USP33: variants seen among roughly 807,000 people sequenced by gnomAD.
The protein encoded by USP33 is ubiquitin carboxyl-terminal hydrolase 33.
In USP33, 46 loss-of-function variants were observed where a neutral mutation model predicts 124.2. The observed-to-expected ratio is 0.37, with a 90% CI of 0.29 to 0.47. The LOEUF is 0.47. USP33 is among the 20% of genes least tolerant of loss of function. USP33 has a pLI of 0.99. For missense variants in USP33, 851 were observed against 1,070.6 expected (o/e 0.79, Z 2.86); for synonymous variants, 350 against 352.3 (o/e 0.99, Z 0.07).
intron 1 of USP33, among the ~76,000 whole-genome samples, chr1:77,752,219 C>T (rs1373485340): frequency 6.6e-6 from 1 of 151,806 alleles, no homozygotes; most frequent in African/African-American, 2.4e-5. Flanking sequence ...TCACTTGCAA[C>T]TTCTCCCTCC....
intron 7 of USP33, among the ~76,000 whole-genome samples, chr1:77,731,444 G>A (rs1677796740): frequency 6.6e-6 from 1 of 152,092 alleles, no homozygotes; most frequent in Non-Finnish European, 1.5e-5. Flanking sequence ...ATAGGAAACT[G>A]ATTAGGCAAA....
At chr1:77,725,016 T>C (rs971254271) in intron 11 of USP33, among the ~76,000 whole-genome samples, 4 of 152,038 alleles carry the variant, frequency 2.6e-5, no homozygotes, top group Non-Finnish European at 2.9e-5. Flanking sequence ...TACTCCAGCC[T>C]GGGCGACAGT....
In USP33 at chr1:77,696,559, ACTTT is replaced by A. The variant is rs761524323; in HGVS notation, c.*754_*757del. 6.6e-6 allele frequency: 1 copy of A among 152,534 alleles called. No individual in the cohort carries two copies. Among genetic ancestry groups the A allele is most frequent in the South Asian group, 2.1e-4 (1 of 4,832 alleles). 9.4% of individuals were successfully genotyped at this position (152,534 alleles called of 1,614,324 possible). On this transcript the variant is annotated 3_prime_UTR_variant, in exon 24 of 24. Coordinates refer to ENST00000370794, the MANE Select transcript of USP33 (RefSeq NM_201624.3). ...GGAAATTAACAATTTTCTGACTACT[ACTTT>A]CAACTTAAAATAGGCTCTTTATTAT...
intron 4 of USP33, among the ~76,000 whole-genome samples, chr1:77,740,540 G>A (rs1679009378): frequency 6.6e-6 from 1 of 152,082 alleles, no homozygotes; most frequent in Non-Finnish European, 1.5e-5. Flanking sequence ...ACTTTTAATA[G>A]AGACAGGGTT....
chr1:77,705,344 G>C (rs564721174), intron 21 of USP33, among the ~76,000 whole-genome samples: 2 of 151,686 alleles, frequency 1.3e-5, no homozygotes, highest in South Asian at 4.2e-4. Context: ...ACAGGCACCC[G>C]CCACCATGCC....
At chr1:77,709,624 C>A (rs142335556) in intron 21 of USP33, among the ~76,000 whole-genome samples, 542 of 150,802 alleles carry the variant, frequency 3.6e-3, no homozygotes, top group Middle Eastern at 7.0e-3. Context: ...TATTCTCTCT[C>A]TATATAAAGC....
chr1:77,705,536 T>C (rs1373994813), intron 21 of USP33, among the ~76,000 whole-genome samples: 3 of 151,654 alleles, frequency 2.0e-5, no homozygotes, highest in Non-Finnish European at 2.9e-5. Flanking sequence ...CTCTGTTGCC[T>C]AGGCTGGAGT....
chr1:77,698,065 ATTC>A (rs1557804186), intron 22 of USP33, 134 bp from the exon 23 acceptor site: 2 of 628,524 alleles, frequency 3.2e-6, no homozygotes, highest in African/African-American at 1.9e-5. Flanking sequence ...ATTATAGTTA[ATTC>A]TTTTTTTTTT....
Position 77,729,851 on chromosome 1 carries a change from T to G in USP33, c.717+9A>C, listed in dbSNP as rs1159806843. The G allele has an allele frequency of 1.2e-6, 2 of 1,609,602 alleles. No homozygotes were observed. The highest frequency in any genetic ancestry group is 1.7e-6 in the Non-Finnish European group (2 of 1,178,534). On this transcript the variant is annotated intron_variant, in intron 9 of 23. Coordinates refer to ENST00000370794, the MANE Select transcript of USP33 (RefSeq NM_201624.3). ...GATTAAAATTACAAATGAAAAGCAA[T>G]AAACTAACCTGCTGAGAATACCCCC...
chr1:77,716,399 T>A (rs950222945), intron 17 of USP33, among the ~76,000 whole-genome samples: 2 of 152,072 alleles, frequency 1.3e-5, no homozygotes, highest in Non-Finnish European at 2.9e-5. Context: ...GACGGATGAA[T>A]AAAGTACACT....
intron 10 of USP33, among the ~76,000 whole-genome samples, chr1:77,726,426 C>T (rs1052131140): frequency 1.3e-5 from 2 of 151,698 alleles, no homozygotes; most frequent in Non-Finnish European, 2.9e-5. Flanking sequence ...GGGAAGACTG[C>T]TTGAGCCCAG....
At chr1:77,698,830 G>A (rs771574001) in intron 22 of USP33, among the ~76,000 whole-genome samples, 22 of 152,004 alleles carry the variant, frequency 1.4e-4, no homozygotes, top group Non-Finnish European at 2.8e-4. Flanking sequence ...TCCATTTGGG[G>A]ATTACAAGTC....
chr1:77,755,246 G>T (rs12132838), intron 1 of USP33, among the ~76,000 whole-genome samples: 63,548 of 151,996 alleles, frequency 0.42, 15,455 homozygotes, highest in African/African-American at 0.67. Flanking sequence ...AAAAAAGAAA[G>T]AAAGAATATG....
chr1:77,741,249 T>C, intron 3 of USP33, 127 bp downstream of exon 3: 1 of 899,684 alleles, frequency 1.1e-6, no homozygotes, highest in South Asian at 2.0e-5. Flanking sequence ...TTATTAATAA[T>C]GACCTTTTAA....
intron 12 of USP33, chr1:77,722,540 G>GA (rs1676687738): frequency 6.3e-6 from 1 of 159,756 alleles, no homozygotes; most frequent in Admixed American, 6.4e-5. Flanking sequence ...ATTTATTTTT[G>GA]AAAATTGACC....
chr1:77,757,906 C>CT (rs1680950447), intron 1 of USP33, among the ~76,000 whole-genome samples: 3 of 152,310 alleles, frequency 2.0e-5, no homozygotes, highest in Admixed American at 2.0e-4. Context: ...ACAGAAAATT[C>CT]TAATACTACT....
At chr1:77,741,205 T>C (rs1420222147) in intron 3 of USP33, among the ~76,000 whole-genome samples, 171 bp downstream of exon 3, 2 of 152,158 alleles carry the variant, frequency 1.3e-5, no homozygotes, top group Non-Finnish European at 2.9e-5. Context: ...ACAAAAGCAC[T>C]ACAGATTAAG....
chr1:77,721,639 T>C, intron 14 of USP33, 192 bp downstream of exon 14: 1 of 556,702 alleles, frequency 1.8e-6, no homozygotes. Context: ...GGAATTCACA[T>C]GAATTCCTTC....
intron 21 of USP33, among the ~76,000 whole-genome samples, chr1:77,705,501 ATTTATT>A (rs1419073443): frequency 6.6e-6 from 1 of 151,388 alleles, no homozygotes; most frequent in African/African-American, 2.4e-5. Flanking sequence ...AGCCAATTTT[ATTTATT>A]TTTAAAGACA....
Sources: gnomAD v4.1 joint callset for allele counts (sites outside exome capture counted in the v4.1 genomes callset) on GRCh38, gnomAD v4.1.1 for gene constraint, MANE v1.5 for transcripts, NCBI Gene and HGNC (gene_info 2026-07-23, HGNC 2026-07-21) for gene names.